The following STOX2 variants were observed in gnomAD, a reference collection of about 807,000 sequenced individuals.
STOX2 encodes the protein storkhead box 2, also known as storkhead-box protein 2.
In STOX2, 28 loss-of-function variants were observed where a neutral mutation model predicts 60.9. That is an observed-to-expected ratio of 0.46 (90% CI 0.34 to 0.63). STOX2 has a LOEUF of 0.63. STOX2 is among the 30% of genes least tolerant of loss of function. The pLI is 0.01. For synonymous variants in STOX2, 472 were observed against 463.9 expected, an observed-to-expected ratio of 1.02 and a Z score of -0.22; for missense variants, 1,024 against 1,187.7, an observed-to-expected ratio of 0.86 and a Z score of 2.03.
intron 1 of STOX2, among the ~76,000 whole-genome samples, chr4:183,873,557 G>C (rs1740745732): frequency 6.6e-6 from 1 of 152,082 alleles, no homozygotes; most frequent in Non-Finnish European, 1.5e-5. Context: ...GACTGTGCTA[G>C]TAACACACGC....
At chr4:183,931,490 T>C (rs1742421888) in intron 1 of STOX2, among the ~76,000 whole-genome samples, 2 of 152,224 alleles carry the variant, frequency 1.3e-5, no homozygotes, top group Admixed American at 6.5e-5. Flanking sequence ...TGTTGATTTA[T>C]TCAGAGATAT....
intron 1 of STOX2, among the ~76,000 whole-genome samples, chr4:183,864,082 T>G (rs529287112): frequency 6.6e-6 from 1 of 152,320 alleles, no homozygotes; most frequent in South Asian, 2.1e-4. Context: ...ATAGTCTGTA[T>G]TGCCTAGAGT....
Position 183,842,681 on chromosome 4 carries a change from A to G in STOX2, c.364+44626A>G, listed in dbSNP as rs746901249. ...GGCTGCCTATGTTTCATTTCACGAC[A>G]TAGTGCTCAGCAAATAGGGCTGATT... On this transcript the variant is annotated intron_variant, in intron 1 of 2. Transcript: ENST00000513034. Among the ~76,000 whole-genome samples, 132 of 152,306 alleles carry G rather than the reference A, an allele frequency of 8.7e-4. 2 individuals are homozygous for G. The highest frequency in any genetic ancestry group is 6.2e-4 in the South Asian group (3 of 4,830).
chr4:183,938,038 C>T (rs1742637061), intron 1 of STOX2, among the ~76,000 whole-genome samples: 1 of 151,892 alleles, frequency 6.6e-6, no homozygotes, highest in South Asian at 2.1e-4. Context: ...GGTCCCAGCT[C>T]CTTGGGAGGC....
intron 1 of STOX2, among the ~76,000 whole-genome samples, chr4:183,932,679 T>A (rs1193988798): frequency 1.3e-5 from 2 of 152,118 alleles, no homozygotes; most frequent in Non-Finnish European, 2.9e-5. Context: ...ACTTAAGGGC[T>A]CATGTCAGCC....
At chr4:183,831,024 T>G (rs1030545192) in intron 1 of STOX2, among the ~76,000 whole-genome samples, 17 of 151,742 alleles carry the variant, frequency 1.1e-4, no homozygotes, top group African/African-American at 4.1e-4. Flanking sequence ...TCTGGGTTAG[T>G]CCTCGGCGGA....
chr4:183,953,581 T>TTTTTTTTTTTTTTTC (rs1743157488), intron 1 of STOX2, among the ~76,000 whole-genome samples: 1 of 151,858 alleles, frequency 6.6e-6, no homozygotes, highest in African/African-American at 2.4e-5. Context: ...CCTGATTTTT[T>TTTTTTTTTTTTTTTC]TTGAGACTGA....
intron 1 of STOX2, among the ~76,000 whole-genome samples, chr4:183,951,907 G>A (rs1021106631): frequency 1.3e-5 from 2 of 152,146 alleles, no homozygotes; most frequent in Non-Finnish European, 2.9e-5. Context: ...TAGCACCACT[G>A]CACTCTGGCC....
chr4:183,805,906 C>A (rs1343546162), intron 1 of STOX2, among the ~76,000 whole-genome samples: 1 of 152,196 alleles, frequency 6.6e-6, no homozygotes, highest in African/African-American at 2.4e-5. Context: ...TCTCTTGATG[C>A]GGACCAGTCA....
rs1481336243 is a variant in STOX2, at chr4:183,825,835, AT to A, written c.364+27781del. On this transcript the variant is annotated intron_variant, in intron 1 of 2. Transcript: ENST00000513034. The surrounding 1 kb of genome is among the most constrained non-coding windows in gnomAD (Gnocchi z 4.1). The stretch of plus-strand genomic sequence containing the variant: ...CTGAGCACAGGCAGGGTGTGATCAA[AT>A]CAGTGTTTGGGGAAGTTTAGTCTGG... Among the ~76,000 whole-genome samples, 1 of 152,126 alleles carries A rather than the reference AT, an allele frequency of 6.6e-6. No homozygotes were observed. The highest frequency in any genetic ancestry group is 2.4e-5 in the African/African-American group (1 of 41,440).
intron 1 of STOX2, among the ~76,000 whole-genome samples, chr4:183,979,473 A>T (rs1312162506): frequency 6.6e-6 from 1 of 152,182 alleles, no homozygotes; most frequent in Non-Finnish European, 1.5e-5. Flanking sequence ...TTGCCTATTG[A>T]TTAACCAGAT....
intron 1 of STOX2, among the ~76,000 whole-genome samples, chr4:183,911,696 A>G (rs1741785963): frequency 1.3e-5 from 2 of 152,180 alleles, no homozygotes. Flanking sequence ...GAAATTCCCT[A>G]CACCCCGGAG....
chr4:183,970,139 C>CATGTGTGT (rs1553983242), intron 1 of STOX2, among the ~76,000 whole-genome samples: 1 of 126,906 alleles, frequency 7.9e-6, no homozygotes, highest in East Asian at 2.3e-4. Flanking sequence ...ACTACATGTA[C>CATGTGTGT]GTGTGTGTGT....
chr4:183,927,709 G>C (rs1429200401), intron 1 of STOX2, among the ~76,000 whole-genome samples: 1 of 152,174 alleles, frequency 6.6e-6, no homozygotes, highest in Non-Finnish European at 1.5e-5. Context: ...GTTTTTGATA[G>C]GAGGTAGGAG....
At chr4:183,920,669 G>C (rs1742075424) in intron 1 of STOX2, among the ~76,000 whole-genome samples, 1 of 152,142 alleles carries the variant, frequency 6.6e-6, no homozygotes, top group Non-Finnish European at 1.5e-5. Context: ...ATCTGGTAAG[G>C]GGCAGGCTGG....
At position 184,004,384 on chromosome 4, in the gene STOX2, C is replaced by T. The variant is rs1011466180; in HGVS notation, c.319+2907C>T. ...GGAGGCCGAGGCGGGCGGATCACGA[C>T]GTCAAGAGATCGAGACCATCCTGGT... On this transcript the variant is annotated intron_variant, in intron 2 of 3. Coordinates refer to ENST00000308497, the MANE Select transcript of STOX2 (RefSeq NM_020225.3). Among the ~76,000 whole-genome samples the T allele has an allele frequency of 3.9e-5, 6 of 151,994 alleles. 1 individual carries two copies. Among genetic ancestry groups the T allele is most frequent in the East Asian group, 1.9e-4 (1 of 5,160 alleles).
At chr4:183,830,534 C>A (rs139883706) in intron 1 of STOX2, among the ~76,000 whole-genome samples, 7 of 152,252 alleles carry the variant, frequency 4.6e-5, no homozygotes, top group East Asian at 3.9e-4. Flanking sequence ...TTAGCCATGA[C>A]CCCAGGCTGG....
chr4:183,916,165 G>A (rs1458217380), intron 1 of STOX2, among the ~76,000 whole-genome samples: 1 of 152,250 alleles, frequency 6.6e-6, no homozygotes, highest in East Asian at 1.9e-4. Flanking sequence ...GTGGCATGAT[G>A]GCGTTCCCGG....
rs35753992 is a variant in STOX2 at position 183,860,442 on chromosome 4, CAAAAA to C, written c.364+62399_364+62403del. Among the ~76,000 whole-genome samples the C allele has an allele frequency of 7.2e-4, 87 of 121,536 alleles. 2 individuals carry two copies. In the East Asian group the frequency reaches 0.011, roughly 15 times the overall value. 79.7% of individuals were successfully genotyped at this position (121,536 alleles called of 152,430 possible). A position where few individuals can be genotyped will look rare whatever the true frequency, so the allele number is the denominator to read the frequency against. On this transcript the variant is annotated intron_variant, in intron 1 of 2. Coordinates refer to the STOX2 transcript ENST00000513034. ...AACAAAACAAACAAAAAACAAAAAACAAAAAAAAAAAAAAAAGAAGAAAAAGAAGA... is the reference window on the plus strand; with the variant it reads ...AACAAAACAAACAAAAAACAAAAAACAAAAAAAAAAAGAAGAAAAAGAAGA...
Sources: gnomAD v4.1 joint callset for allele counts (sites outside exome capture counted in the v4.1 genomes callset) on GRCh38, gnomAD v4.1.1 for gene constraint, Gnocchi (gnomAD v3.1) non-coding constraint, MANE v1.5 for transcripts, NCBI Gene and HGNC (gene_info 2026-07-23, HGNC 2026-07-21) for gene names.